Variants in CSMD2 observed in about 807,000 individuals in gnomAD.
CSMD2 encodes the protein CUB and sushi domain-containing protein 2.
A neutral mutation model predicts 398.5 loss-of-function variants in CSMD2; 130 were observed. That is an observed-to-expected ratio of 0.33 (90% CI 0.28 to 0.38). The LOEUF is 0.38. Among genes scored for constraint, CSMD2 ranks in the 10% least tolerant of loss-of-function variants. The pLI is 1.00. For missense variants in CSMD2, 3,829 were observed against 4,764.9 expected (o/e 0.80, Z 5.78); for synonymous variants, 1,828 against 1,908.5 (o/e 0.96, Z 1.10).
intron 5 of CSMD2, among the ~76,000 whole-genome samples, chr1:33,911,243 T>C (rs1232107803): frequency 6.6e-6 from 1 of 152,192 alleles, no homozygotes; most frequent in African/African-American, 2.4e-5. Flanking sequence ...AGAACATGAA[T>C]GAGCTAAACC....
intron 60 of CSMD2, among the ~76,000 whole-genome samples, chr1:33,540,261 G>C (rs1656202794): frequency 7.6e-6 from 1 of 131,624 alleles, no homozygotes; most frequent in Non-Finnish European, 1.8e-5. Flanking sequence ...CAACCCTTCA[G>C]GTAAAAAAAA....
chr1:34,001,180 TAA>T (rs1646890067), intron 3 of CSMD2, among the ~76,000 whole-genome samples: 1 of 152,036 alleles, frequency 6.6e-6, no homozygotes, highest in South Asian at 2.1e-4. Context: ...ATCAAATATA[TAA>T]ACATGATTAT....
chr1:33,672,722 G>A (rs761318768), intron 25 of CSMD2, among the ~76,000 whole-genome samples: 14 of 152,168 alleles, frequency 9.2e-5, no homozygotes, highest in African/African-American at 1.7e-4. Flanking sequence ...CAGTAGGGGC[G>A]GACTGACACC....
rs1415593397 is a variant in CSMD2, at chr1:33,724,524, C to T, written c.2876G>A (p.Ser959Asn). 1 of 1,613,572 alleles carries T rather than the reference C, an allele frequency of 6.2e-7. No homozygotes were observed. Among genetic ancestry groups the T allele is most frequent in the Non-Finnish European group, 8.5e-7 (1 of 1,179,736 alleles). ...PNFQWSRALP[S>N]CEALCGGFIQ... The stretch of plus-strand genomic sequence containing the variant: ...CTCATGGTGTCCCTCACCTTCACAA[C>T]TGGGCAGGGCCCGGCTCCACTGGAA... The change falls in exon 18 of 71, where the codon AGT becomes AAT. Residue 959 changes from serine to asparagine, a missense_variant. By Grantham distance (46) the Ser-to-Asn change is conservative. Coordinates refer to ENST00000373381, the MANE Select transcript of CSMD2 (RefSeq NM_001281956.2).
intron 5 of CSMD2, among the ~76,000 whole-genome samples, chr1:33,912,958 G>A (rs1169052179): frequency 6.6e-6 from 1 of 152,114 alleles, no homozygotes; most frequent in Non-Finnish European, 1.5e-5. Flanking sequence ...GACTACAGGT[G>A]TGTGCCACCA....
chr1:33,753,334 C>T (rs1006926465), intron 13 of CSMD2, among the ~76,000 whole-genome samples: 1 of 152,230 alleles, frequency 6.6e-6, no homozygotes, highest in African/African-American at 2.4e-5. Flanking sequence ...CAGAACATCG[C>T]TCCCTGCATC....
Position 33,533,817 on chromosome 1 carries a change from C to T in CSMD2, c.9970G>A (p.Gly3324Arg). Residue 3324 changes from glycine (G) to arginine (R), a missense_variant, in exon 63 of 71, where the codon GGA (glycine) becomes AGA (arginine). By Grantham distance (125) the Gly-to-Arg change is moderately radical. Around this residue, in one of 5 missense-constraint regions of CSMD2, gnomAD observed 917 missense variants for 1,199.5 expected, o/e 0.76. Transcript: ENST00000373381. This position sits in a 1 kb window ranked among gnomAD's most constrained non-coding sequence, Gnocchi z 4.2. ...RTCLPNLTWSGTPPDCVPHHC... is the reference protein window; with the variant it reads ...RTCLPNLTWSRTPPDCVPHHC... ...TCACGGACACAGTCAGGTGGGGTTC[C>T]ACTCCAGGTCAGGTTTGGGAGGCAG... is the stretch of plus-strand genomic sequence containing the variant. 6.2e-7 allele frequency: 1 copy of T among 1,613,446 alleles called. No individual in the cohort carries two copies. The highest frequency in any genetic ancestry group is 8.5e-7 in the Non-Finnish European group (1 of 1,179,398).
At chr1:34,143,195 C>T (rs995521861) in intron 1 of CSMD2, among the ~76,000 whole-genome samples, 4 of 152,198 alleles carry the variant, frequency 2.6e-5, no homozygotes, top group African/African-American at 9.6e-5. Flanking sequence ...GGTACAGCAA[C>T]GTGTTCAACA....
intron 3 of CSMD2, among the ~76,000 whole-genome samples, chr1:33,957,661 G>T (rs12057400): frequency 6.6e-6 from 1 of 152,138 alleles, no homozygotes; most frequent in Non-Finnish European, 1.5e-5. Flanking sequence ...GACATGAGAA[G>T]GTCTAGGAAG....
chr1:33,648,125 G>A (rs1222330017), intron 28 of CSMD2, among the ~76,000 whole-genome samples: 2 of 152,170 alleles, frequency 1.3e-5, no homozygotes, highest in Non-Finnish European at 2.9e-5. Context: ...CACTTTGGGA[G>A]GCTGAGGTGG....
intron 2 of CSMD2, among the ~76,000 whole-genome samples, chr1:34,065,642 G>A (rs1357663039): frequency 2.6e-5 from 4 of 152,118 alleles, no homozygotes; most frequent in East Asian, 3.9e-4. Flanking sequence ...TGTGCAATGC[G>A]GGTGAATGGA....
chr1:33,710,360 C>T (rs1470024896), intron 21 of CSMD2, among the ~76,000 whole-genome samples: 1 of 152,080 alleles, frequency 6.6e-6, no homozygotes, highest in Non-Finnish European at 1.5e-5. Context: ...CTATGAATTT[C>T]CAAGGCTTAG....
intron 28 of CSMD2, among the ~76,000 whole-genome samples, chr1:33,651,326 G>A (rs747283154): frequency 2.4e-4 from 37 of 152,348 alleles, no homozygotes; most frequent in Admixed American, 5.9e-4. Context: ...AGGTGTCAAT[G>A]CCAGCCCCAA....
At chr1:33,631,420 T>G (rs1253337750) in intron 32 of CSMD2, among the ~76,000 whole-genome samples, 1 of 152,038 alleles carries the variant, frequency 6.6e-6, no homozygotes, top group Non-Finnish European at 1.5e-5. Flanking sequence ...TGAGACAAAT[T>G]TATTTGCAGA....
intron 5 of CSMD2, among the ~76,000 whole-genome samples, chr1:33,858,494 G>T (rs1414818039): frequency 1.3e-5 from 2 of 152,156 alleles, no homozygotes; most frequent in Admixed American, 1.3e-4. Flanking sequence ...GCCACTTATT[G>T]CTGTGTGGCC....
At chr1:33,743,172 G>T in intron 14 of CSMD2, 108 bp downstream of exon 14, 1 of 901,670 alleles carries the variant, frequency 1.1e-6, no homozygotes, top group South Asian at 1.8e-5. Flanking sequence ...CAATGCCCTG[G>T]GAACTGCCCC....
intron 3 of CSMD2, among the ~76,000 whole-genome samples, chr1:33,998,197 C>A (rs924570728): frequency 1.2e-4 from 18 of 151,992 alleles, no homozygotes; most frequent in African/African-American, 4.3e-4. Flanking sequence ...TAAGAGAGAC[C>A]TCAGCTAGCA....
intron 2 of CSMD2, among the ~76,000 whole-genome samples, chr1:34,077,307 A>C (rs1208965760): frequency 6.6e-6 from 1 of 150,940 alleles, no homozygotes; most frequent in African/African-American, 2.4e-5. Context: ...AATACAAAAA[A>C]TTAGCCGGGC....
chr1:33,840,690 A>G lies in CSMD2; in HGVS notation c.1033+6194T>C, dbSNP rs149627214. ...GAAACCTGGTGAGGTCACGGGTGCC[A>G]TATTTTGTGTGCCTACATCAGTAAC... is the stretch of plus-strand genomic sequence containing the variant. On this transcript the variant is annotated intron_variant, in intron 6 of 70. Coordinates refer to ENST00000373381, the MANE Select transcript of CSMD2 (RefSeq NM_001281956.2). Among the ~76,000 whole-genome samples, 16 of 152,346 alleles carry G rather than the reference A, an allele frequency of 1.1e-4. No individual in the cohort carries two copies. The East Asian group carries it at 2.1e-3, about 20-fold the overall frequency.
Sources: allele counts gnomAD v4.1 joint callset (sites outside exome capture counted in the v4.1 genomes callset), GRCh38; gene constraint gnomAD v4.1.1; regional missense constraint gnomAD v4.1.1; non-coding constraint Gnocchi (gnomAD v3.1); transcripts MANE v1.5; gene names NCBI Gene and HGNC (gene_info 2026-07-23, HGNC 2026-07-21).